Variants in CELF2 observed in about 807,000 individuals in gnomAD.
The protein encoded by CELF2 is CUG triplet repeat RNA-binding protein 2.
CELF2 carries 8 observed loss-of-function variants against 62.6 expected under a neutral mutation model. The ratio of observed to expected loss-of-function variants is 0.13; its 90% CI spans 0.07 to 0.23. The LOEUF (loss-of-function observed/expected upper bound fraction) is 0.23, where lower values mean the gene tolerates loss of function less well. CELF2 is among the 10% of genes least tolerant of loss of function. CELF2 has a pLI of 1.00. For missense variants in CELF2, 333 were observed against 671.0 expected, an observed-to-expected ratio of 0.50 and a Z score of 5.56; for synonymous variants, 258 against 250.0, an observed-to-expected ratio of 1.03 and a Z score of -0.30.
the CELF2 span, among the ~76,000 whole-genome samples, chr10:10,768,292 A>G: frequency 6.6e-6 from 1 of 152,156 alleles, no homozygotes; most frequent in South Asian, 2.1e-4. Context: ...ATGTATCTAA[A>G]TAGCATCTCA....
the CELF2 span, among the ~76,000 whole-genome samples, chr10:10,702,382 C>T: frequency 6.6e-6 from 1 of 152,140 alleles, no homozygotes; most frequent in South Asian, 2.1e-4. Context: ...GACCTATGAG[C>T]TTTGAAATTT....
intron 4 of CELF2, among the ~76,000 whole-genome samples, chr10:11,252,815 G>A (rs2077543863): frequency 6.6e-6 from 1 of 152,172 alleles, no homozygotes; most frequent in South Asian, 2.1e-4. Context: ...TGCTGGGGCT[G>A]CTAAGAGGAG....
At chr10:10,830,262 A>G (rs571060454) in intron 1 of CELF2, among the ~76,000 whole-genome samples, 168 of 144,390 alleles carry the variant, frequency 1.2e-3, no homozygotes, top group East Asian at 5.6e-3. Context: ...GAGCTATTGA[A>G]TGCCATGGAG....
rs80085602 is a variant in CELF2 at position 11,042,970 on chromosome 10, G to T, written c.74+24807G>T. Among the ~76,000 whole-genome samples, 1,084 of 152,274 alleles carry T rather than the reference G, an allele frequency of 7.1e-3. 5 individuals are homozygous for T. The highest frequency in any genetic ancestry group is 0.012 in the Non-Finnish European group (842 of 68,022). ...TGGTTTGGCTTTTAGGAATAATGCT[G>T]CTATGAACATTCAAGTACAAGTTTT... On this transcript the variant is annotated intron_variant, in intron 1 of 12. Transcript: ENST00000633077.
upstream of CELF2, chr10:11,005,240 A>AAG: frequency 6.5e-6 from 8 of 1,234,096 alleles, no homozygotes; most frequent in Admixed American, 6.6e-5. This position sits in a 1 kb window ranked among gnomAD's most constrained non-coding sequence, Gnocchi z 4.3. Flanking sequence ...AGAGAGTGGG[A>AAG]AGACAGAGAG....
At chr10:11,097,979 GA>G (rs1402862567) in intron 1 of CELF2, 1 of 152,336 alleles carries the variant, frequency 6.6e-6, no homozygotes, top group African/African-American at 2.4e-5. Flanking sequence ...ACCCTGCAGG[GA>G]CTGTGTTCCA....
chr10:10,580,366 G>C, the CELF2 span, among the ~76,000 whole-genome samples: 20 of 152,110 alleles, frequency 1.3e-4, no homozygotes, highest in Admixed American at 1.2e-3. Context: ...ATCTAGAATT[G>C]TTCACTGAAA....
At chr10:10,666,849 G>T in the CELF2 span, among the ~76,000 whole-genome samples, 3 of 64,404 alleles carry the variant, frequency 4.7e-5, no homozygotes, top group East Asian at 3.5e-4. Context: ...GCGACAGAGC[G>T]AGACTCCGTC....
chr10:10,746,686 C>T, the CELF2 span, among the ~76,000 whole-genome samples: 5 of 152,124 alleles, frequency 3.3e-5, no homozygotes, highest in South Asian at 2.1e-4. Flanking sequence ...GTCTCATAGA[C>T]GTAAAATCGG....
rs1288789720 is a variant in CELF2 at position 11,319,743 on chromosome 10, G to A, written c.1097-1446G>A. On this transcript the variant is annotated intron_variant, in intron 10 of 12. Coordinates refer to ENST00000633077, the MANE Select transcript of CELF2 (RefSeq NM_001326342.2). This position sits in a 1 kb window ranked among gnomAD's most constrained non-coding sequence, Gnocchi z 4.4. Reference sequence around the variant, plus strand: ...AGAAGCACAGGAATACCCGAGGTGAGGCACAATGACAGTCCTCCACTGTTA... The same window carrying A: ...AGAAGCACAGGAATACCCGAGGTGAAGCACAATGACAGTCCTCCACTGTTA... The A allele has an allele frequency of 1.5e-5, 7 of 470,552 alleles. No homozygotes were observed. Among genetic ancestry groups the A allele is most frequent in the African/African-American group, 2.0e-5 (1 of 49,982 alleles). 29.1% of individuals were successfully genotyped at this position (470,552 alleles called of 1,614,324 possible). A position where few individuals can be genotyped will look rare whatever the true frequency, so the allele number is the denominator to read the frequency against.
chr10:10,755,687 C>T, the CELF2 span, among the ~76,000 whole-genome samples: 1 of 152,194 alleles, frequency 6.6e-6, no homozygotes, highest in African/African-American at 2.4e-5. Flanking sequence ...GGCCACGCCC[C>T]CTCTTACGAT....
intron 1 of CELF2, among the ~76,000 whole-genome samples, chr10:10,879,494 GA>G (rs1461830774): frequency 6.6e-6 from 1 of 152,140 alleles, no homozygotes; most frequent in Non-Finnish European, 1.5e-5. Context: ...CAGATTCTCA[GA>G]ATTACAAATA....
In CELF2 at chr10:10,967,040, A is replaced by G. The variant is rs115752237; in HGVS notation, c.89+47041A>G. On this transcript the variant is annotated intron_variant, in intron 2 of 13. Coordinates refer to the CELF2 transcript ENST00000636488. ...AATTTAACAGAGTTTAATTGAGCAAAGAACAATTCGAGAACCGGGCAGCCC... is the reference window on the plus strand; with the variant it reads ...AATTTAACAGAGTTTAATTGAGCAAGGAACAATTCGAGAACCGGGCAGCCC... Among the ~76,000 whole-genome samples the G allele has an allele frequency of 3.9e-3, 588 of 152,360 alleles. 7 individuals carry two copies. Among genetic ancestry groups the G allele is most frequent in the African/African-American group, 0.014 (562 of 41,590 alleles).
chr10:11,136,487 C>G (rs2060454987), intron 1 of CELF2, among the ~76,000 whole-genome samples: 2 of 152,060 alleles, frequency 1.3e-5, no homozygotes, highest in South Asian at 4.1e-4. Context: ...ACCTGTAATC[C>G]CAGTCACTCA....
rs573878752 is a variant in CELF2, at chr10:10,928,057, G to T, written c.89+8058G>T. ...GCTTCTGACACACCGGCCTTTCTCC[G>T]CACTTACTTCCACAGAAAGTTCTCC... On this transcript the variant is annotated intron_variant, in intron 2 of 13. Transcript: ENST00000636488. The surrounding 1 kb of genome is among the most constrained non-coding windows in gnomAD (Gnocchi z 4.8). Among the ~76,000 whole-genome samples the T allele has an allele frequency of 6.6e-6, 1 of 151,922 alleles. No homozygotes were observed. Among genetic ancestry groups the T allele is most frequent in the East Asian group, 1.9e-4 (1 of 5,188 alleles).
chr10:11,031,589 G>T (rs1298572332), intron 1 of CELF2, among the ~76,000 whole-genome samples: 1 of 152,162 alleles, frequency 6.6e-6, no homozygotes, highest in East Asian at 1.9e-4. Context: ...CTCTTGGCAG[G>T]ACACAAGCGC....
chr10:10,482,017 C>A, the CELF2 span, among the ~76,000 whole-genome samples: 67 of 152,286 alleles, frequency 4.4e-4, 1 homozygote, highest in African/African-American at 1.4e-3. Flanking sequence ...ATTTTCCTAT[C>A]TTTTTAAGCA....
At chr10:10,880,549 G>A (rs369393637) in intron 1 of CELF2, among the ~76,000 whole-genome samples, 1 of 152,078 alleles carries the variant, frequency 6.6e-6, no homozygotes, top group South Asian at 2.1e-4. Flanking sequence ...TGAGATTTGG[G>A]GTGTTACGGA....
intron 1 of CELF2, among the ~76,000 whole-genome samples, chr10:11,139,617 G>A (rs116733492): frequency 0.012 from 1,783 of 152,246 alleles, 28 homozygotes; most frequent in African/African-American, 0.041. Context: ...GGAAGGTATC[G>A]CTCAAGCTTG....
Sources: allele counts gnomAD v4.1 joint callset (sites outside exome capture counted in the v4.1 genomes callset), GRCh38; gene constraint gnomAD v4.1.1; non-coding constraint Gnocchi (gnomAD v3.1); transcripts MANE v1.5; gene names NCBI Gene and HGNC (gene_info 2026-07-23, HGNC 2026-07-21).